KLHL5: variants seen among roughly 807,000 people sequenced by gnomAD.
The protein encoded by KLHL5 is kelch like family member 5.
A neutral mutation model predicts 77.7 loss-of-function variants in KLHL5; 48 were observed. The ratio of observed to expected loss-of-function variants is 0.62; its 90% CI spans 0.49 to 0.79. KLHL5 has a LOEUF of 0.79. Among genes scored for constraint, KLHL5 ranks in the 30% least tolerant of loss-of-function variants. The pLI is 0.00. For missense variants in KLHL5, 723 were observed against 859.7 expected (o/e 0.84, Z 1.99); for synonymous variants, 260 against 297.0 (o/e 0.88, Z 1.28).
At chr4:39,076,641 T>C (rs1305885156) in intron 2 of KLHL5, among the ~76,000 whole-genome samples, 1 of 152,086 alleles carries the variant, frequency 6.6e-6, no homozygotes, top group Non-Finnish European at 1.5e-5. Context: ...TATTATTTCT[T>C]GAAGTAAGAA....
Position 39,062,879 on chromosome 4 carries a change from T to G in KLHL5, c.227T>G (p.Phe76Cys). ...IGYRRSSQLD[F>C]QNSPSWPMAS... ...TACCGAAGGTCCAGCCAACTGGATT[T>G]TCAGAATTCACCTTCTTGGCCAATG... The change falls in exon 1 of 11, where the codon TTT becomes TGT. Residue 76 changes from phenylalanine (F) to cysteine (C), a missense_variant. Coordinates refer to ENST00000504108, the MANE Select transcript of KLHL5 (RefSeq NM_015990.5). The G allele has an allele frequency of 6.2e-7, 1 of 1,614,178 alleles. No homozygotes were observed. Among genetic ancestry groups the G allele is most frequent in the Non-Finnish European group, 8.5e-7 (1 of 1,180,018 alleles).
In KLHL5 at chr4:39,081,287, AT is replaced by A. The variant is rs746920591; in HGVS notation, c.703+50del. 1 of 1,470,750 alleles carries A rather than the reference AT, an allele frequency of 6.8e-7. No individual in the cohort carries two copies. The highest frequency in any genetic ancestry group is 2.4e-5 in the East Asian group (1 of 41,520). 91.1% of individuals were successfully genotyped at this position (1,470,750 alleles called of 1,614,324 possible). On this transcript the variant is annotated intron_variant, in intron 3 of 10. Transcript: ENST00000504108. This position sits in a 1 kb window ranked among gnomAD's most constrained non-coding sequence, Gnocchi z 4.3. ...TTAAAACCTCTTAGATTTATGTTGT[AT>A]TATTAGATTTCAGATTTCTGTTTTT...
chr4:39,091,383 C>G (rs773932357), intron 5 of KLHL5, among the ~76,000 whole-genome samples: 23 of 152,096 alleles, frequency 1.5e-4, no homozygotes, highest in Non-Finnish European at 2.9e-4. Flanking sequence ...ACCTCGGCTT[C>G]TCAAAGTACT....
At position 39,081,975 on chromosome 4, in the gene KLHL5, TAAAAG is replaced by T; in HGVS notation, c.719_723del (p.Lys240ArgfsTer2). 1 of 1,588,532 alleles carries T rather than the reference TAAAAG, an allele frequency of 6.3e-7. No individual in the cohort carries two copies. Among genetic ancestry groups the T allele is most frequent in the South Asian group, 1.2e-5 (1 of 86,746 alleles). On this transcript the variant is annotated frameshift_variant, in exon 4 of 11. Coordinates refer to ENST00000504108, the MANE Select transcript of KLHL5 (RefSeq NM_015990.5). LOFTEE classifies it high-confidence loss of function. This position sits in a 1 kb window ranked among gnomAD's most constrained non-coding sequence, Gnocchi z 4.3. ...TTTTATCATTAAGGCCGCCTTGAATTAAAAGAAGATAATATTGAGTGCCTGTTATC... is the reference window on the plus strand; with the variant it reads ...TTTTATCATTAAGGCCGCCTTGAATTAAGATAATATTGAGTGCCTGTTATC...
chr4:39,101,144 A>ATATATC, intron 6 of KLHL5, among the ~76,000 whole-genome samples: 2 of 148,160 alleles, frequency 1.3e-5, no homozygotes, highest in South Asian at 4.2e-4. Flanking sequence ...ATATATATAT[A>ATATATC]TATCTACCTG....
At chr4:39,066,956 C>T (rs2711985) in intron 1 of KLHL5, among the ~76,000 whole-genome samples, 116,886 of 152,136 alleles carry the variant, frequency 0.77, 44,922 homozygotes, top group East Asian at 0.82. Context: ...AGGAAAATTA[C>T]AAAGATGATA....
chr4:39,127,789 A>C (rs1259751085), downstream of KLHL5, among the ~76,000 whole-genome samples: 2 of 152,150 alleles, frequency 1.3e-5, no homozygotes, highest in Non-Finnish European at 2.9e-5. Flanking sequence ...GGAAGGAAAG[A>C]GGTCCCTGCT....
At chr4:39,120,045 G>A (rs541295647) in intron 10 of KLHL5, 1 of 152,196 alleles carries the variant, frequency 6.6e-6, no homozygotes, top group African/African-American at 2.4e-5. Flanking sequence ...GGTCTAGGGG[G>A]TCGAACTGAT....
chr4:39,125,852 T>G lies in KLHL5; in HGVS notation c.*4786T>G, dbSNP rs1723508873. Among the ~76,000 whole-genome samples the G allele has an allele frequency of 6.6e-6, 1 of 152,204 alleles. No homozygotes were observed. On this transcript the variant is annotated 3_prime_UTR_variant, in exon 11 of 11. Transcript: ENST00000504108. ...ACTTTACCATAATTTTTAAAAAGCT[T>G]TATTAGCTACATTATGTTATGATAC... is the stretch of plus-strand genomic sequence containing the variant.
chr4:39,137,723 A>G, the KLHL5 span, among the ~76,000 whole-genome samples: 11 of 152,214 alleles, frequency 7.2e-5, no homozygotes, highest in African/African-American at 2.7e-4. Context: ...CTTACCATCT[A>G]ACCAAAAAAC....
At chr4:39,141,893 T>C in the KLHL5 span, among the ~76,000 whole-genome samples, 1 of 152,222 alleles carries the variant, frequency 6.6e-6, no homozygotes, top group Non-Finnish European at 1.5e-5. Context: ...CATGAGCAAA[T>C]CATTTAGAAT....
chr4:39,119,648 A>G (rs937001163), intron 10 of KLHL5, among the ~76,000 whole-genome samples: 9 of 152,202 alleles, frequency 5.9e-5, no homozygotes, highest in African/African-American at 4.8e-5. Context: ...ACAGATGGAC[A>G]TTTGTATAGG....
intron 8 of KLHL5, among the ~76,000 whole-genome samples, chr4:39,109,355 GC>G (rs1360089071): frequency 2.0e-5 from 3 of 152,182 alleles, no homozygotes; most frequent in African/African-American, 7.2e-5. Context: ...GAGTGCAGTG[GC>G]ATGATCTCGG....
At chr4:39,069,473 TACACACACACAC>T (rs57779550) in intron 1 of KLHL5, among the ~76,000 whole-genome samples, 1 of 70,336 alleles carries the variant, frequency 1.4e-5, no homozygotes, top group East Asian at 5.5e-4. Context: ...TATATATATA[TACACACACACAC>T]ACACACACAC....
upstream of KLHL5, chr4:39,044,893 G>A (rs1388891338): frequency 4.1e-6 from 4 of 975,350 alleles, no homozygotes; most frequent in Non-Finnish European, 3.7e-6. Flanking sequence ...CTGACCCCCC[G>A]GCCTGGCGCC....
Position 39,062,895 on chromosome 4 carries a change from T to C in KLHL5, c.243T>C (p.Ser81=), listed in dbSNP as rs760537665. Residue 81 remains serine (S), a synonymous_variant, in exon 1 of 11, where the codon TCT becomes TCC. Coordinates refer to ENST00000504108, the MANE Select transcript of KLHL5 (RefSeq NM_015990.5). ...SSQLDFQNSP[S]WPMASTSEVP... Reference sequence around the variant, plus strand: ...AACTGGATTTTCAGAATTCACCTTCTTGGCCAATGGCATCCACCTCTGAAG... The same window carrying C: ...AACTGGATTTTCAGAATTCACCTTCCTGGCCAATGGCATCCACCTCTGAAG... 17 of 1,614,202 alleles carry C rather than the reference T, an allele frequency of 1.1e-5. No homozygotes were observed. In the South Asian group the frequency reaches 1.5e-4, roughly 15 times the overall value.
At chr4:39,109,429 G>T (rs886787561) in intron 8 of KLHL5, among the ~76,000 whole-genome samples, 1 of 151,742 alleles carries the variant, frequency 6.6e-6, no homozygotes, top group African/African-American at 2.4e-5. Context: ...CTCCCAAGTA[G>T]CTGGGACTAC....
chr4:39,104,779 T>G (rs1721891233), intron 7 of KLHL5, among the ~76,000 whole-genome samples: 1 of 152,192 alleles, frequency 6.6e-6, no homozygotes, highest in East Asian at 1.9e-4. Flanking sequence ...ACTTTTTTTT[T>G]TTTTTGAGAC....
At chr4:39,048,942 T>C (rs563932910) in intron 1 of KLHL5, among the ~76,000 whole-genome samples, 1 of 152,098 alleles carries the variant, frequency 6.6e-6, no homozygotes, top group Non-Finnish European at 1.5e-5. Context: ...GCGCCTGGTG[T>C]ACATTGGCTC....
Sources: gnomAD v4.1 joint callset for allele counts (sites outside exome capture counted in the v4.1 genomes callset) on GRCh38, gnomAD v4.1.1 for gene constraint, Gnocchi (gnomAD v3.1) non-coding constraint, MANE v1.5 for transcripts, NCBI Gene and HGNC (gene_info 2026-07-23, HGNC 2026-07-21) for gene names.